The following PTPRT variants were observed in gnomAD, a reference collection of about 807,000 sequenced individuals.
PTPRT encodes the protein receptor-type tyrosine-protein phosphatase T.
A neutral mutation model predicts 176.8 loss-of-function variants in PTPRT; 56 were observed. The ratio of observed to expected loss-of-function variants is 0.32; its 90% CI spans 0.26 to 0.40. PTPRT has a LOEUF of 0.40. Ranked by LOEUF, PTPRT falls within the 10% of genes least tolerant of loss-of-function variation. The pLI is 1.00. For synonymous variants in PTPRT, 783 were observed against 739.0 expected (o/e 1.06, Z -0.96); for missense variants, 1,540 against 1,908.2 (o/e 0.81, Z 3.60).
intron 1 of PTPRT, among the ~76,000 whole-genome samples, chr20:43,114,181 C>T (rs1172716651): frequency 6.6e-6 from 1 of 152,142 alleles, no homozygotes. Flanking sequence ...ATGAGATAAG[C>T]CTATTTCACA....
At chr20:43,014,525 T>A (rs1052709414) in intron 1 of PTPRT, among the ~76,000 whole-genome samples, 9 of 152,180 alleles carry the variant, frequency 5.9e-5, no homozygotes, top group African/African-American at 2.2e-4. Context: ...CAGCCATATA[T>A]CCACATGACC....
intron 9 of PTPRT, among the ~76,000 whole-genome samples, chr20:42,413,287 G>T (rs2059034141): frequency 6.6e-6 from 1 of 152,128 alleles, no homozygotes; most frequent in Non-Finnish European, 1.5e-5. Context: ...TATCCCAGTG[G>T]TTTGAGTGCT....
chr20:43,086,859 T>C (rs2011619892), intron 1 of PTPRT, among the ~76,000 whole-genome samples: 1 of 152,156 alleles, frequency 6.6e-6, no homozygotes, highest in Non-Finnish European at 1.5e-5. Flanking sequence ...CAGAACTGGG[T>C]ATAAGAGATG....
At chr20:42,429,837 AG>A (rs2059199796) in intron 9 of PTPRT, among the ~76,000 whole-genome samples, 1 of 152,226 alleles carries the variant, frequency 6.6e-6, no homozygotes, top group Admixed American at 6.5e-5. Context: ...CAGGGTGCTG[AG>A]GATGCAAGAA....
At chr20:42,720,586 T>C (rs567885459) in intron 6 of PTPRT, among the ~76,000 whole-genome samples, 10 of 152,316 alleles carry the variant, frequency 6.6e-5, no homozygotes, top group Admixed American at 5.9e-4. Flanking sequence ...GCTCACTCCT[T>C]GTATAGAGAG....
intron 7 of PTPRT, among the ~76,000 whole-genome samples, chr20:42,527,223 A>G (rs2072292506): frequency 6.6e-6 from 1 of 151,982 alleles, no homozygotes; most frequent in Non-Finnish European, 1.5e-5. Flanking sequence ...TCGGCCTCCC[A>G]AAGTGCTGGG....
At chr20:42,652,835 C>A (rs1247922536) in intron 7 of PTPRT, among the ~76,000 whole-genome samples, 2 of 152,160 alleles carry the variant, frequency 1.3e-5, no homozygotes. Context: ...CAGAATGGAT[C>A]TGGCAACACT....
chr20:43,185,623 C>T (rs985624699), intron 1 of PTPRT, among the ~76,000 whole-genome samples: 1 of 152,112 alleles, frequency 6.6e-6, no homozygotes, highest in Non-Finnish European at 1.5e-5. Flanking sequence ...GGGAATCAAG[C>T]CCCTGAAAAG....
chr20:42,670,153 C>A (rs866998453), intron 7 of PTPRT, among the ~76,000 whole-genome samples: 1 of 152,140 alleles, frequency 6.6e-6, no homozygotes, highest in South Asian at 2.1e-4. Context: ...CAGGGTCCAT[C>A]ATGCTACAGT....
chr20:42,118,745 G>T (rs1406129616), intron 20 of PTPRT, among the ~76,000 whole-genome samples: 1 of 152,090 alleles, frequency 6.6e-6, no homozygotes, highest in Non-Finnish European at 1.5e-5. Context: ...TACTGGAAAT[G>T]TTGGCAGCCT....
At chr20:43,036,563 G>T (rs1458076729) in intron 1 of PTPRT, among the ~76,000 whole-genome samples, 1 of 131,562 alleles carries the variant, frequency 7.6e-6, no homozygotes, top group African/African-American at 3.8e-5. Flanking sequence ...TTGTGTTTAA[G>T]AATTTACAAA....
At chr20:42,220,911 C>T (rs937039048) in intron 15 of PTPRT, among the ~76,000 whole-genome samples, 7 of 152,136 alleles carry the variant, frequency 4.6e-5, no homozygotes, top group African/African-American at 1.7e-4. Flanking sequence ...AATTTCATAC[C>T]AATTGTGAAA....
intron 7 of PTPRT, among the ~76,000 whole-genome samples, chr20:42,537,283 A>G (rs908961528): frequency 2.0e-5 from 3 of 152,196 alleles, no homozygotes; most frequent in Non-Finnish European, 4.4e-5. Flanking sequence ...AAATGGACAT[A>G]GTATTACCTG....
At chr20:42,590,936 G>A (rs953330866) in intron 7 of PTPRT, among the ~76,000 whole-genome samples, 54 of 122,682 alleles carry the variant, frequency 4.4e-4, no homozygotes, top group African/African-American at 2.1e-3. Flanking sequence ...GCGTGTGTGT[G>A]TGTGTGTGTG....
In PTPRT at chr20:43,089,982, T is replaced by C. The variant is rs76508038; in HGVS notation, c.88+99664A>G. Among the ~76,000 whole-genome samples the C allele has an allele frequency of 9.2e-5, 14 of 152,354 alleles. No individual in the cohort carries two copies. The East Asian group carries it at 2.7e-3, about 29-fold the overall frequency. On this transcript the variant is annotated intron_variant, in intron 1 of 30. Coordinates refer to ENST00000373187, the MANE Select transcript of PTPRT (RefSeq NM_007050.6). ...AACTTGCCTGCTTTTGTTCCACAAA[T>C]GTCCAAGTGAAATCCGCCAATCAAC...
chr20:43,031,359 C>A (rs1163146193), intron 1 of PTPRT, among the ~76,000 whole-genome samples: 8 of 152,150 alleles, frequency 5.3e-5, no homozygotes, highest in African/African-American at 1.4e-4. Context: ...AACTTGCCTT[C>A]CACCAAGTGA....
chr20:42,177,277 G>A (rs1449677976), intron 16 of PTPRT, among the ~76,000 whole-genome samples: 2 of 152,118 alleles, frequency 1.3e-5, no homozygotes, highest in Non-Finnish European at 2.9e-5. Context: ...GGGATTAGGT[G>A]GTCTCTAAGG....
intron 6 of PTPRT, among the ~76,000 whole-genome samples, chr20:42,709,215 C>T (rs1340587927): frequency 2.6e-5 from 4 of 152,182 alleles, no homozygotes; most frequent in Admixed American, 1.3e-4. Context: ...TTACAGATGG[C>T]GGCTGCTCTA....
intron 12 of PTPRT, among the ~76,000 whole-genome samples, chr20:42,283,394 A>G (rs1188067795): frequency 6.6e-6 from 1 of 152,114 alleles, no homozygotes; most frequent in Non-Finnish European, 1.5e-5. Flanking sequence ...TCAATCATCC[A>G]ATTCTTGTCT....
Sources: gnomAD v4.1 joint callset for allele counts (sites outside exome capture counted in the v4.1 genomes callset) on GRCh38, gnomAD v4.1.1 for gene constraint, MANE v1.5 for transcripts, NCBI Gene and HGNC (gene_info 2026-07-23, HGNC 2026-07-21) for gene names.